The following NELL2 variants were observed in gnomAD, a reference collection of about 807,000 sequenced individuals.
The protein encoded by NELL2 is neural EGFL like 2, also known as protein kinase C-binding protein NELL2.
NELL2 carries 41 observed loss-of-function variants against 109.6 expected under a neutral mutation model. The ratio of observed to expected loss-of-function variants is 0.37; its 90% CI spans 0.29 to 0.49. The LOEUF (loss-of-function observed/expected upper bound fraction) is 0.49. Among genes scored for constraint, NELL2 ranks in the 20% least tolerant of loss-of-function variants. NELL2 has a pLI of 0.98. For missense variants in NELL2, 900 were observed against 1,008.3 expected (o/e 0.89, Z 1.45); for synonymous variants, 355 against 344.7 (o/e 1.03, Z -0.33).
At chr12:44,844,534 G>A (rs1944317867) in intron 2 of NELL2, among the ~76,000 whole-genome samples, 1 of 152,144 alleles carries the variant, frequency 6.6e-6, no homozygotes, top group Non-Finnish European at 1.5e-5. Flanking sequence ...GTGGGGGATG[G>A]GGAAGGAGGA....
intron 2 of NELL2, among the ~76,000 whole-genome samples, chr12:44,870,255 A>G (rs1237750915): frequency 2.0e-5 from 3 of 152,180 alleles, no homozygotes; most frequent in Admixed American, 6.5e-5. Flanking sequence ...CTAAGTCCTC[A>G]ATAATAGAGT....
chr12:44,763,562 C>A (rs542294748), intron 9 of NELL2, among the ~76,000 whole-genome samples: 1 of 152,188 alleles, frequency 6.6e-6, no homozygotes, highest in South Asian at 2.1e-4. Flanking sequence ...ATTACAATAT[C>A]CTAAAACTGG....
chr12:44,833,749 C>T (rs1943960085), intron 2 of NELL2, among the ~76,000 whole-genome samples: 1 of 152,160 alleles, frequency 6.6e-6, no homozygotes, highest in African/African-American at 2.4e-5. Context: ...CTAGGTAATA[C>T]CTGATAATCT....
chr12:44,852,826 C>T (rs1455829247), intron 2 of NELL2, among the ~76,000 whole-genome samples: 1 of 152,086 alleles, frequency 6.6e-6, no homozygotes, highest in Non-Finnish European at 1.5e-5. Flanking sequence ...TTAAATTGCA[C>T]AATTTTCCTG....
upstream of NELL2, among the ~76,000 whole-genome samples, chr12:44,879,476 A>C (rs1049597877): frequency 6.6e-6 from 1 of 150,958 alleles, no homozygotes; most frequent in Non-Finnish European, 1.5e-5. Flanking sequence ...TAAAATGCCC[A>C]ATTTTTAAAT....
intron 15 of NELL2, among the ~76,000 whole-genome samples, chr12:44,570,461 T>C (rs1287500643): frequency 6.6e-6 from 1 of 152,122 alleles, no homozygotes; most frequent in African/African-American, 2.4e-5. Flanking sequence ...AGATGACACT[T>C]GCAACAATCG....
intron 19 of NELL2, among the ~76,000 whole-genome samples, chr12:44,510,373 T>C (rs963503180): frequency 3.3e-5 from 5 of 152,180 alleles, no homozygotes; most frequent in Non-Finnish European, 7.3e-5. Context: ...AGCTAGTAAA[T>C]GGTAGAGCTA....
At chr12:44,636,001 TC>T (rs1946623826) in intron 13 of NELL2, among the ~76,000 whole-genome samples, 1 of 152,204 alleles carries the variant, frequency 6.6e-6, no homozygotes, top group Non-Finnish European at 1.5e-5. Flanking sequence ...GTCTTTCATG[TC>T]CCTTGTAAGT....
chr12:44,751,201 G>C (rs1940635529), intron 9 of NELL2, among the ~76,000 whole-genome samples: 1 of 152,120 alleles, frequency 6.6e-6, no homozygotes, highest in African/African-American at 2.4e-5. Flanking sequence ...AAGTGGAAGG[G>C]GGAAGGAAGA....
chr12:44,862,662 C>T (rs533626584), intron 2 of NELL2, among the ~76,000 whole-genome samples: 2 of 151,762 alleles, frequency 1.3e-5, no homozygotes, highest in East Asian at 3.9e-4. Context: ...TTTTTCTAAA[C>T]AGAAAAGGGA....
intron 12 of NELL2, among the ~76,000 whole-genome samples, chr12:44,673,962 C>T (rs1948225773): frequency 6.6e-6 from 1 of 151,890 alleles, no homozygotes; most frequent in South Asian, 2.1e-4. Context: ...TTCATTTACT[C>T]AACGAGTATA....
rs79157695 is a variant in NELL2 at position 44,867,793 on chromosome 12, T to C, written c.184+7432A>G. ...TTCAGTAGAGTTTCAGGATATCAAA[T>C]CAATATACAAACAAAAAGTAGTGTC... On this transcript the variant is annotated intron_variant, in intron 2 of 19. Transcript: ENST00000429094. 6.0e-3 allele frequency among the ~76,000 whole-genome samples: 919 copies of C among 152,030 alleles called. 6 individuals carry two copies. Among genetic ancestry groups the C allele is most frequent in the African/African-American group, 0.021 (875 of 41,456 alleles).
rs55697809 is a variant in NELL2, at chr12:44,791,082, CAT to C, written c.336-11062_336-11061del. On this transcript the variant is annotated intron_variant, in intron 3 of 19. Transcript: ENST00000429094. ...AAGTTCAAGTATATATATATATATA[CAT>C]ATATATATATATGTATATATATATG... is the stretch of plus-strand genomic sequence containing the variant. 1.4e-3 allele frequency among the ~76,000 whole-genome samples: 71 copies of C among 52,008 alleles called. 1 individual carries two copies. The highest frequency in any genetic ancestry group is 7.8e-3 in the African/African-American group (65 of 8,300). 34.1% of individuals were successfully genotyped at this position (52,008 alleles called of 152,430 possible). A position where few individuals can be genotyped will look rare whatever the true frequency, so the allele number is the denominator to read the frequency against.
intron 15 of NELL2, among the ~76,000 whole-genome samples, chr12:44,588,023 C>T (rs1030249936): frequency 4.6e-5 from 7 of 151,906 alleles, no homozygotes; most frequent in African/African-American, 7.3e-5. Context: ...TGGTGGCGGG[C>T]ACCTGTAGTC....
intron 16 of NELL2, among the ~76,000 whole-genome samples, chr12:44,530,849 T>C (rs926801742): frequency 5.9e-5 from 9 of 152,154 alleles, no homozygotes; most frequent in Non-Finnish European, 8.8e-5. Context: ...GACTGCAGTG[T>C]CATGAAGACC....
chr12:44,825,141 G>A (rs1943669016), intron 2 of NELL2, among the ~76,000 whole-genome samples: 2 of 151,980 alleles, frequency 1.3e-5, no homozygotes, highest in South Asian at 4.1e-4. Context: ...CTATTTCTGT[G>A]GGAATATGTC....
intron 15 of NELL2, among the ~76,000 whole-genome samples, chr12:44,603,806 A>G (rs1468012838): frequency 6.6e-6 from 1 of 152,162 alleles, no homozygotes; most frequent in Non-Finnish European, 1.5e-5. Flanking sequence ...GTTTCAGAAG[A>G]GACTTCAACT....
chr12:44,526,022 T>C (rs1030896679), intron 16 of NELL2, among the ~76,000 whole-genome samples: 2 of 152,118 alleles, frequency 1.3e-5, no homozygotes, highest in South Asian at 2.1e-4. Context: ...ATGACTGGAA[T>C]GTTCAGTGAG....
At chr12:44,601,355 T>G (rs1460522725) in intron 15 of NELL2, among the ~76,000 whole-genome samples, 1 of 152,152 alleles carries the variant, frequency 6.6e-6, no homozygotes. Context: ...CTAAGAACTT[T>G]TGACTACTTT....
Sources: allele counts gnomAD v4.1 joint callset (sites outside exome capture counted in the v4.1 genomes callset), GRCh38; gene constraint gnomAD v4.1.1; transcripts MANE v1.5; gene names NCBI Gene and HGNC (gene_info 2026-07-23, HGNC 2026-07-21).